FAF1: variants seen among roughly 807,000 people sequenced by gnomAD.
FAF1 encodes the protein FAS-associated factor 1.
A neutral mutation model predicts 92.5 loss-of-function variants in FAF1; 25 were observed. The ratio of observed to expected loss-of-function variants is 0.27; its 90% CI spans 0.20 to 0.38. The LOEUF (loss-of-function observed/expected upper bound fraction) is 0.38, where lower values mean the gene tolerates loss of function less well. Among genes scored for constraint, FAF1 ranks in the 10% least tolerant of loss-of-function variants. The pLI, the probability that FAF1 is intolerant of heterozygous loss-of-function variation, is 1.00. For synonymous variants in FAF1, 234 were observed against 273.2 expected (o/e 0.86, Z 1.42); for missense variants, 636 against 793.3 (o/e 0.80, Z 2.38).
At chr1:50,774,838 T>C (rs1660898689) in intron 4 of FAF1, among the ~76,000 whole-genome samples, 1 of 152,094 alleles carries the variant, frequency 6.6e-6, no homozygotes, top group Admixed American at 6.6e-5. Context: ...GACAAATGCT[T>C]TAAAATAATT....
chr1:50,727,481 C>T (rs1658711401), intron 6 of FAF1, among the ~76,000 whole-genome samples: 1 of 152,204 alleles, frequency 6.6e-6, no homozygotes, highest in Non-Finnish European at 1.5e-5. Context: ...ACAAACACTT[C>T]CAAGTATCTA....
intron 8 of FAF1, among the ~76,000 whole-genome samples, chr1:50,635,472 C>T (rs963750097): frequency 6.6e-6 from 1 of 152,198 alleles, no homozygotes; most frequent in African/African-American, 2.4e-5. Flanking sequence ...GTCACCCAGG[C>T]TGGAGTGCAG....
rs1646961228 is a variant in FAF1 at position 50,499,856 on chromosome 1, C to G, written c.1495-8055G>C. 2.0e-5 allele frequency among the ~76,000 whole-genome samples: 3 copies of G among 152,064 alleles called. No individual in the cohort carries two copies. In the East Asian group the frequency reaches 5.8e-4, roughly 29 times the overall value. ...GTAAACACCACTGCATTTGGACCAG[C>G]CTATATTTCTATATACTGGCAACAA... On this transcript the variant is annotated intron_variant, in intron 15 of 18. Transcript: ENST00000396153.
intron 6 of FAF1, among the ~76,000 whole-genome samples, chr1:50,716,471 G>C (rs150660058): frequency 1.3e-5 from 2 of 152,174 alleles, no homozygotes; most frequent in East Asian, 1.9e-4. Flanking sequence ...TTCCTGGGTC[G>C]AGTGGGGACT....
intron 4 of FAF1, among the ~76,000 whole-genome samples, chr1:50,746,270 ATATATATATATATATATATATATTTTTT>A (rs1659594591): frequency 3.8e-5 from 1 of 26,112 alleles, no homozygotes; most frequent in South Asian, 2.3e-3. Flanking sequence ...ATATATATAT[ATATATATATATATATATATATATTTTTT>A]TTTTTTTTTT....
At chr1:50,559,212 A>G (rs900853112) in intron 13 of FAF1, among the ~76,000 whole-genome samples, 2 of 151,816 alleles carry the variant, frequency 1.3e-5, no homozygotes, top group East Asian at 1.9e-4. Flanking sequence ...GATCACACCA[A>G]TGCACTCCAG....
At chr1:50,767,426 C>A (rs1397992251) in intron 4 of FAF1, among the ~76,000 whole-genome samples, 1 of 152,168 alleles carries the variant, frequency 6.6e-6, no homozygotes, top group African/African-American at 2.4e-5. Context: ...CCCAGCCTCA[C>A]TAGACATGCC....
intron 4 of FAF1, among the ~76,000 whole-genome samples, chr1:50,770,788 T>C (rs1660749197): frequency 1.3e-5 from 2 of 152,144 alleles, no homozygotes; most frequent in African/African-American, 4.8e-5. Context: ...GGAGCCTGAA[T>C]AGCCAAGATA....
chr1:50,853,551 A>G (rs1644368633), intron 2 of FAF1, among the ~76,000 whole-genome samples: 1 of 152,124 alleles, frequency 6.6e-6, no homozygotes, highest in Admixed American at 6.6e-5. Context: ...GCAGCAAACT[A>G]CAGCAGAAAT....
At chr1:50,642,127 C>G (rs779118241) in intron 8 of FAF1, among the ~76,000 whole-genome samples, 10 of 150,878 alleles carry the variant, frequency 6.6e-5, no homozygotes, top group Non-Finnish European at 1.5e-4. Flanking sequence ...TGCTTGAACC[C>G]TGGAGGCGGA....
chr1:50,520,555 T>C (rs1360232445), intron 15 of FAF1, among the ~76,000 whole-genome samples: 1 of 152,174 alleles, frequency 6.6e-6, no homozygotes, highest in Non-Finnish European at 1.5e-5. Flanking sequence ...AGATCAAATC[T>C]TACCTCTTAG....
intron 15 of FAF1, among the ~76,000 whole-genome samples, chr1:50,505,122 CTT>C (rs1230876524): frequency 1.2e-4 from 19 of 152,110 alleles, no homozygotes; most frequent in African/African-American, 4.6e-4. Context: ...GTTATTTTTG[CTT>C]TCAGGAAAGA....
At chr1:50,661,599 A>ATCAAACTTATATATATCAAATTT (rs1350851113) in intron 7 of FAF1, among the ~76,000 whole-genome samples, 2 of 152,174 alleles carry the variant, frequency 1.3e-5, no homozygotes, top group East Asian at 3.8e-4. Flanking sequence ...CCGAATTTTA[A>ATCAAACTTATATATATCAAATTT]ATATATCAAA....
chr1:50,760,903 G>T (rs937428393), intron 4 of FAF1, among the ~76,000 whole-genome samples: 1 of 152,128 alleles, frequency 6.6e-6, no homozygotes, highest in South Asian at 2.1e-4. Context: ...CCAGGAGCTG[G>T]TTTTTTGAAA....
chr1:50,788,572 T>A (rs1239469999), intron 3 of FAF1, among the ~76,000 whole-genome samples: 1 of 152,208 alleles, frequency 6.6e-6, no homozygotes, highest in Non-Finnish European at 1.5e-5. Flanking sequence ...TTTGACTCAT[T>A]AACTCTGCTT....
chr1:50,722,084 T>C (rs1427500182), intron 6 of FAF1, among the ~76,000 whole-genome samples: 1 of 152,208 alleles, frequency 6.6e-6, no homozygotes, highest in Non-Finnish European at 1.5e-5. Context: ...TTTTCTACTT[T>C]GAAAACAAAA....
chr1:50,495,085 T>C (rs1646883444), intron 15 of FAF1, among the ~76,000 whole-genome samples: 1 of 152,116 alleles, frequency 6.6e-6, no homozygotes, highest in Non-Finnish European at 1.5e-5. Flanking sequence ...GGGGTGTCCG[T>C]CCCCTCAAGC....
Position 50,513,429 on chromosome 1 carries a change from G to T in FAF1, c.1495-21628C>A, listed in dbSNP as rs183050672. ...TGTTTGAGCCTGGGAGGCGGAGGTT[G>T]CAGTGAGATGAGATCGCGCCATTGC... is the stretch of plus-strand genomic sequence containing the variant. On this transcript the variant is annotated intron_variant, in intron 15 of 18. Transcript: ENST00000396153. 4.2e-3 allele frequency among the ~76,000 whole-genome samples: 640 copies of T among 152,264 alleles called. 9 individuals are homozygous for T. Among genetic ancestry groups the T allele is most frequent in the Non-Finnish European group, 4.5e-3 (306 of 68,018 alleles).
At chr1:50,488,953 TACTC>T (rs750677705) in intron 17 of FAF1, among the ~76,000 whole-genome samples, 1 of 152,220 alleles carries the variant, frequency 6.6e-6, no homozygotes, top group African/African-American at 2.4e-5. Context: ...ATGTGATAGA[TACTC>T]ACAACAGTTT....
Sources: gnomAD v4.1 joint callset for allele counts (sites outside exome capture counted in the v4.1 genomes callset) on GRCh38, gnomAD v4.1.1 for gene constraint, MANE v1.5 for transcripts, NCBI Gene and HGNC (gene_info 2026-07-23, HGNC 2026-07-21) for gene names.